The following KCNB2 variants were observed in gnomAD, a reference collection of about 807,000 sequenced individuals.
The protein encoded by KCNB2 is delayed rectifier potassium channel protein.
In KCNB2, 15 loss-of-function variants were observed where a neutral mutation model predicts 61.5. The observed-to-expected ratio is 0.24, with a 90% CI of 0.16 to 0.38. The LOEUF is 0.38. Ranked by LOEUF, KCNB2 falls within the 10% of genes least tolerant of loss-of-function variation. KCNB2 has a pLI of 1.00. For synonymous variants in KCNB2, 457 were observed against 446.0 expected (o/e 1.02, Z -0.31); for missense variants, 828 against 1,125.2 (o/e 0.74, Z 3.78).
chr8:72,784,720 C>A (rs1304471589), intron 2 of KCNB2, among the ~76,000 whole-genome samples: 3 of 152,180 alleles, frequency 2.0e-5, no homozygotes, highest in Non-Finnish European at 4.4e-5. Flanking sequence ...CCACTCCCAA[C>A]ACATGGGGAT....
At chr8:72,648,647 T>C (rs1400602125) in intron 2 of KCNB2, among the ~76,000 whole-genome samples, 1 of 152,022 alleles carries the variant, frequency 6.6e-6, no homozygotes, top group Non-Finnish European at 1.5e-5. Context: ...GAATGAATGT[T>C]TGGTAATATA....
At chr8:72,901,117 C>T (rs1398902365) in intron 2 of KCNB2, among the ~76,000 whole-genome samples, 1 of 152,172 alleles carries the variant, frequency 6.6e-6, no homozygotes, top group Non-Finnish European at 1.5e-5. Context: ...GGGCCCTCTG[C>T]ACTCCTCCAC....
chr8:72,780,696 T>G (rs961462684), intron 2 of KCNB2, among the ~76,000 whole-genome samples: 2 of 152,206 alleles, frequency 1.3e-5, no homozygotes, highest in Admixed American at 1.3e-4. Context: ...TGTGCATGTA[T>G]CTTTATAACA....
In KCNB2 at chr8:72,600,058, A is replaced by G. The variant is rs1037483198; in HGVS notation, c.579+31745A>G. On this transcript the variant is annotated intron_variant, in intron 2 of 2. Coordinates refer to ENST00000523207, the MANE Select transcript of KCNB2 (RefSeq NM_004770.3). ...GGTGATTCCTCAAGGATCTAGAACT[A>G]GAAATACCATTTGACCCAGCCATCC... is the stretch of plus-strand genomic sequence containing the variant. Among the ~76,000 whole-genome samples, 27 of 152,244 alleles carry G rather than the reference A, an allele frequency of 1.8e-4. 1 individual carries two copies. Among genetic ancestry groups the G allele is most frequent in the Admixed American group, 1.5e-3 (23 of 15,288 alleles).
intron 2 of KCNB2, among the ~76,000 whole-genome samples, chr8:72,680,155 T>C (rs1022968063): frequency 1.2e-4 from 19 of 152,192 alleles, no homozygotes; most frequent in African/African-American, 4.3e-4. Context: ...TCAACTCTAA[T>C]TCTTTTACAG....
chr8:72,764,366 T>C (rs1808430817), intron 2 of KCNB2, among the ~76,000 whole-genome samples: 1 of 151,898 alleles, frequency 6.6e-6, no homozygotes, highest in Admixed American at 6.6e-5. Context: ...GTTGGAGATG[T>C]AAGGGAACTG....
intron 2 of KCNB2, among the ~76,000 whole-genome samples, chr8:72,607,964 C>T (rs13271319): frequency 0.37 from 56,991 of 152,086 alleles, 13,080 homozygotes; most frequent in Non-Finnish European, 0.51. Context: ...TGACCATCTG[C>T]TATATGTCAG....
At chr8:72,917,494 AG>A (rs960634703) in intron 2 of KCNB2, among the ~76,000 whole-genome samples, 2 of 152,244 alleles carry the variant, frequency 1.3e-5, no homozygotes, top group African/African-American at 4.8e-5. Context: ...CAGAGTTAAA[AG>A]CCTGAGACCT....
At chr8:72,769,042 C>G (rs894625148) in intron 2 of KCNB2, among the ~76,000 whole-genome samples, 3 of 152,076 alleles carry the variant, frequency 2.0e-5, no homozygotes, top group African/African-American at 7.2e-5. Context: ...TGCCTGTAAT[C>G]CCAGCTGCTC....
rs1440366 is a variant in KCNB2, at chr8:72,663,627, A to G, written c.579+95314A>G. 3.3e-5 allele frequency among the ~76,000 whole-genome samples: 5 copies of G among 152,308 alleles called. No homozygotes were observed. In the South Asian group the frequency reaches 1.0e-3, roughly 32 times the overall value. On this transcript the variant is annotated intron_variant, in intron 2 of 2. Transcript: ENST00000523207. ...CAAGAAAGGGTTCCATTGCTTAAGTATAAAAGTTTGACTGCTGTCTGGAAC... is the reference window on the plus strand; with the variant it reads ...CAAGAAAGGGTTCCATTGCTTAAGTGTAAAAGTTTGACTGCTGTCTGGAAC...
chr8:72,727,804 T>C (rs1807677702), intron 2 of KCNB2, among the ~76,000 whole-genome samples: 1 of 152,228 alleles, frequency 6.6e-6, no homozygotes, highest in South Asian at 2.1e-4. Context: ...TTGAAGATCC[T>C]TTATATAAGA....
At chr8:72,639,049 T>C (rs1274467445) in intron 2 of KCNB2, among the ~76,000 whole-genome samples, 1 of 152,192 alleles carries the variant, frequency 6.6e-6, no homozygotes, top group Non-Finnish European at 1.5e-5. Context: ...TCCCTCCTTC[T>C]ACCTCCAGTG....
chr8:72,900,152 T>C (rs1806063763), intron 2 of KCNB2, among the ~76,000 whole-genome samples: 1 of 152,014 alleles, frequency 6.6e-6, no homozygotes, highest in African/African-American at 2.4e-5. Context: ...AACAGACACA[T>C]AGAACAATGG....
chr8:72,803,555 G>A (rs950978907), intron 2 of KCNB2, among the ~76,000 whole-genome samples: 2 of 152,114 alleles, frequency 1.3e-5, no homozygotes, highest in Admixed American at 6.6e-5. Flanking sequence ...TCCCAAAGAA[G>A]TCCTGGTGTA....
At chr8:72,773,282 G>A (rs1033908069) in intron 2 of KCNB2, among the ~76,000 whole-genome samples, 9 of 152,128 alleles carry the variant, frequency 5.9e-5, no homozygotes, top group African/African-American at 1.9e-4. Context: ...TATTGCCCAG[G>A]TCTGCCAACT....
At chr8:72,561,695 A>T (rs1477555847) in intron 1 of KCNB2, among the ~76,000 whole-genome samples, 2,693 of 21,076 alleles carry the variant, frequency 0.13, 233 homozygotes, top group African/African-American at 0.42. Flanking sequence ...TTACTTTTAT[A>T]TATATATATA....
At position 72,572,233 on chromosome 8, in the gene KCNB2, G is replaced by A. The variant is rs567592644; in HGVS notation, c.579+3920G>A. On this transcript the variant is annotated intron_variant, in intron 2 of 2. Transcript: ENST00000523207. ...CTGGGTTCATGGCTGAGTCCTCTGA[G>A]GGAAGCTTCACTCTAAGAGCATAAG... Among the ~76,000 whole-genome samples, 26 of 152,316 alleles carry A rather than the reference G, an allele frequency of 1.7e-4. No individual in the cohort carries two copies. The South Asian group carries it at 4.4e-3, about 26-fold the overall frequency.
chr8:72,737,678 TA>T (rs1807871824), intron 2 of KCNB2, among the ~76,000 whole-genome samples: 1 of 152,146 alleles, frequency 6.6e-6, no homozygotes, highest in African/African-American at 2.4e-5. Context: ...TAGTACTAAC[TA>T]GTAGTTGGAC....
chr8:72,554,633 A>T (rs1215478531), intron 1 of KCNB2, among the ~76,000 whole-genome samples: 1 of 152,128 alleles, frequency 6.6e-6, no homozygotes, highest in Admixed American at 6.5e-5. Context: ...CCCTGGGAAG[A>T]TTGTTTAAAT....
Sources: gnomAD v4.1 joint callset for allele counts (sites outside exome capture counted in the v4.1 genomes callset) on GRCh38, gnomAD v4.1.1 for gene constraint, MANE v1.5 for transcripts, NCBI Gene and HGNC (gene_info 2026-07-23, HGNC 2026-07-21) for gene names.